The following PARD3B variants were observed in gnomAD, a reference collection of about 807,000 sequenced individuals.
PARD3B encodes par-3 family cell polarity regulator beta.
PARD3B carries 103 observed loss-of-function variants against 130.2 expected under a neutral mutation model. That is an observed-to-expected ratio of 0.79 (90% CI 0.67 to 0.93). PARD3B has a LOEUF of 0.93. Among genes scored for constraint, PARD3B ranks in the 40% least tolerant of loss-of-function variants. The pLI is 0.00. For missense variants in PARD3B, 1,609 were observed against 1,499.2 expected, an observed-to-expected ratio of 1.07 and a Z score of -1.21; for synonymous variants, 583 against 553.2, an observed-to-expected ratio of 1.05 and a Z score of -0.76.
At chr2:205,565,724 T>C (rs2053302034) in intron 22 of PARD3B, among the ~76,000 whole-genome samples, 1 of 152,146 alleles carries the variant, frequency 6.6e-6, no homozygotes, top group Non-Finnish European at 1.5e-5. Flanking sequence ...TCATCTACTC[T>C]CCATATTCCT....
rs184908787 is a variant in PARD3B, at chr2:204,574,705, A to G, written c.120+28586A>G. On this transcript the variant is annotated intron_variant, in intron 1 of 22. Coordinates refer to ENST00000406610, the MANE Select transcript of PARD3B (RefSeq NM_001302769.2). ...GCTGTGGAACGCTAAATGAGGTCAC[A>G]TTTCTGAACTGCTTATATGGTGCTG... Among the ~76,000 whole-genome samples the G allele has an allele frequency of 1.1e-4, 16 of 152,316 alleles. No homozygotes were observed. The East Asian group carries it at 2.3e-3, about 22-fold the overall frequency.
intron 4 of PARD3B, among the ~76,000 whole-genome samples, chr2:205,085,820 G>A (rs1701708591): frequency 6.6e-6 from 1 of 151,740 alleles, no homozygotes; most frequent in Non-Finnish European, 1.5e-5. Context: ...ATTCATTTGA[G>A]GAATGAAATA....
chr2:205,560,895 C>G (rs376417665), intron 22 of PARD3B, among the ~76,000 whole-genome samples: 1 of 152,120 alleles, frequency 6.6e-6, no homozygotes, highest in South Asian at 2.1e-4. Context: ...AAGTACATTC[C>G]CGGTGTTTCC....
chr2:204,866,478 T>C (rs2045418736), intron 2 of PARD3B, among the ~76,000 whole-genome samples: 1 of 152,116 alleles, frequency 6.6e-6, no homozygotes, highest in African/African-American at 2.4e-5. Context: ...TCCATACATA[T>C]CTGGGTAATC....
intron 10 of PARD3B, among the ~76,000 whole-genome samples, chr2:205,144,957 CG>C (rs2033242734): frequency 6.6e-6 from 1 of 152,116 alleles, no homozygotes; most frequent in African/African-American, 2.4e-5. Context: ...TGCCTCTTTT[CG>C]AGGCTGTGGT....
chr2:205,486,597 G>T (rs1194913379), intron 20 of PARD3B, among the ~76,000 whole-genome samples: 1 of 152,196 alleles, frequency 6.6e-6, no homozygotes, highest in Non-Finnish European at 1.5e-5. Context: ...AGAGGGGAAG[G>T]CAAAGGGGAA....
At chr2:204,975,237 T>C (rs1692042008) in intron 3 of PARD3B, among the ~76,000 whole-genome samples, 1 of 152,198 alleles carries the variant, frequency 6.6e-6, no homozygotes, top group African/African-American at 2.4e-5. Context: ...AAGGTATTCA[T>C]AAAATTTTAA....
intron 2 of PARD3B, among the ~76,000 whole-genome samples, chr2:204,751,760 G>A (rs1048405352): frequency 3.3e-5 from 5 of 152,150 alleles, no homozygotes; most frequent in African/African-American, 1.2e-4. Context: ...CATGGATGTA[G>A]TTGACAATTC....
chr2:204,691,459 A>AG (rs2037348495), intron 2 of PARD3B, among the ~76,000 whole-genome samples: 1 of 152,066 alleles, frequency 6.6e-6, no homozygotes, highest in Non-Finnish European at 1.5e-5. Context: ...ACTGGATCAC[A>AG]TGTGATATCT....
intron 1 of PARD3B, among the ~76,000 whole-genome samples, chr2:204,595,928 T>A (rs1455742625): frequency 6.6e-6 from 1 of 152,238 alleles, no homozygotes; most frequent in Admixed American, 6.5e-5. Context: ...TTCAGCAAAC[T>A]TCTTTTTTTG....
At chr2:205,360,023 C>T (rs1468751806) in intron 18 of PARD3B, among the ~76,000 whole-genome samples, 1 of 152,158 alleles carries the variant, frequency 6.6e-6, no homozygotes, top group African/African-American at 2.4e-5. Context: ...TTTCTATCAC[C>T]AATGCACAAG....
chr2:204,589,687 G>C (rs942189781), intron 1 of PARD3B, among the ~76,000 whole-genome samples: 1 of 152,128 alleles, frequency 6.6e-6, no homozygotes, highest in Non-Finnish European at 1.5e-5. Context: ...AAGGATTTTT[G>C]GTAATTGGCA....
At chr2:204,824,932 T>G (rs1267083669) in intron 2 of PARD3B, among the ~76,000 whole-genome samples, 1 of 152,140 alleles carries the variant, frequency 6.6e-6, no homozygotes, top group African/African-American at 2.4e-5. Context: ...CTGGGCGGCG[T>G]ATGTGTTCTC....
At chr2:205,422,688 A>G (rs1430345616) in intron 19 of PARD3B, among the ~76,000 whole-genome samples, 1 of 152,148 alleles carries the variant, frequency 6.6e-6, no homozygotes, top group African/African-American at 2.4e-5. Flanking sequence ...TGCAGTTCCC[A>G]TAGGAGATAA....
chr2:205,195,837 A>C (rs1049745321), intron 15 of PARD3B, among the ~76,000 whole-genome samples: 1 of 151,808 alleles, frequency 6.6e-6, no homozygotes, highest in African/African-American at 2.4e-5. Flanking sequence ...ATTTAAAAAA[A>C]AAACCTTCTA....
intron 21 of PARD3B, among the ~76,000 whole-genome samples, chr2:205,545,660 A>G (rs889855968): frequency 6.6e-6 from 1 of 150,430 alleles, no homozygotes; most frequent in Non-Finnish European, 1.5e-5. Flanking sequence ...TTCCTCAGGA[A>G]AATTGGCTTG....
At chr2:204,805,059 A>C (rs1467423230) in intron 2 of PARD3B, among the ~76,000 whole-genome samples, 1 of 152,084 alleles carries the variant, frequency 6.6e-6, no homozygotes, top group Non-Finnish European at 1.5e-5. Context: ...TGAAAGCATA[A>C]ATTAGATGAA....
chr2:204,846,068 A>G lies in PARD3B; in HGVS notation c.223-119084A>G, dbSNP rs76270015. Reference sequence around the variant, plus strand: ...AGTTTCTATAAATCCAAATAGAAAAACAAATGAAGAAAAGGAAAAAAAATG... The same window carrying G: ...AGTTTCTATAAATCCAAATAGAAAAGCAAATGAAGAAAAGGAAAAAAAATG... On this transcript the variant is annotated intron_variant, in intron 2 of 22. Transcript: ENST00000406610. 1.7e-3 allele frequency among the ~76,000 whole-genome samples: 264 copies of G among 152,054 alleles called. 7 individuals carry two copies. The East Asian group carries it at 0.048, about 28-fold the overall frequency.
chr2:204,858,895 T>C (rs972271197), intron 2 of PARD3B, among the ~76,000 whole-genome samples: 6 of 151,400 alleles, frequency 4.0e-5, no homozygotes, highest in South Asian at 4.2e-4. Context: ...TTTAAAAACA[T>C]TATGCTTCAG....
Sources: allele counts gnomAD v4.1 joint callset (sites outside exome capture counted in the v4.1 genomes callset), GRCh38; gene constraint gnomAD v4.1.1; transcripts MANE v1.5; gene names NCBI Gene and HGNC (gene_info 2026-07-23, HGNC 2026-07-21).